The following FBXO41 variants were observed in gnomAD, a reference collection of about 807,000 sequenced individuals.
FBXO41 encodes the protein F-box only protein 41.
Under a neutral mutation model 81.6 loss-of-function variants are expected in FBXO41, and 33 were observed. The observed-to-expected ratio is 0.40, with a 90% CI of 0.31 to 0.54. The LOEUF (loss-of-function observed/expected upper bound fraction) is 0.54. Ranked by LOEUF, FBXO41 falls within the 20% of genes least tolerant of loss-of-function variation. FBXO41 has a pLI of 0.39. For missense variants in FBXO41, 1,107 were observed against 1,236.0 expected, an observed-to-expected ratio of 0.90 and a Z score of 1.56; for synonymous variants, 576 against 552.7, an observed-to-expected ratio of 1.04 and a Z score of -0.59.
intron 1 of FBXO41, among the ~76,000 whole-genome samples, chr2:73,277,118 G>T (rs562818083): frequency 3.3e-5 from 5 of 152,332 alleles, no homozygotes; most frequent in African/African-American, 1.2e-4. Flanking sequence ...GCAGGGGAAG[G>T]GGAAAGTCTG....
Position 73,266,826 on chromosome 2 carries a change from G to T in FBXO41, c.906-144C>A. The T allele has an allele frequency of 7.6e-7, 1 of 1,309,674 alleles. No homozygotes were observed. The highest frequency in any genetic ancestry group is 9.9e-7 in the Non-Finnish European group (1 of 1,010,574). 81.1% of individuals were successfully genotyped at this position (1,309,674 alleles called of 1,614,324 possible). A position where few individuals can be genotyped will look rare whatever the true frequency, so the allele number is the denominator to read the frequency against. ...GGTCACATGGGTTCCTGCAGAACAG[G>T]CCTAGCACACAGCCCCGCACGATGA... On this transcript the variant is annotated intron_variant, in intron 2 of 12. Transcript: ENST00000520530. The surrounding 1 kb of genome is among the most constrained non-coding windows in gnomAD (Gnocchi z 5.3).
At position 73,262,821 on chromosome 2, in the gene FBXO41, C is replaced by A. The variant is rs146889243; in HGVS notation, c.2171+392G>T. 4.8e-3 allele frequency among the ~76,000 whole-genome samples: 726 copies of A among 152,350 alleles called. 7 individuals are homozygous for A. Among genetic ancestry groups the A allele is most frequent in the African/African-American group, 0.015 (616 of 41,572 alleles). ...AGTGCAATGGCACGATCTCGGCTCA[C>A]TGCAACCTCTGCCTCCCAGGTTCAA... On this transcript the variant is annotated intron_variant, in intron 9 of 12. Coordinates refer to ENST00000520530, the MANE Select transcript of FBXO41 (RefSeq NM_001371389.2).
chr2:73,259,254 A>G lies in FBXO41; in HGVS notation c.2492T>C (p.Ile831Thr). Reference sequence around the variant, plus strand: ...GCTGGGCTCTTTGAAATAATCCGCAATCCCAATCTGGACCACAATGGACTT... The same window carrying G: ...GCTGGGCTCTTTGAAATAATCCGCAGTCCCAATCTGGACCACAATGGACTT... ...NLKSIVVQIG[I>T]ADYFKEPSSP... The change falls in exon 12 of 13, where the codon ATT becomes ACT. Residue 831 changes from isoleucine (I) to threonine (T), a missense_variant. By Grantham distance (89) the Ile-to-Thr change is moderately conservative. Around this residue, in one of 2 missense-constraint regions of FBXO41, gnomAD observed 336 missense variants for 446.7 expected, o/e 0.75. Coordinates refer to ENST00000520530, the MANE Select transcript of FBXO41 (RefSeq NM_001371389.2). This position sits in a 1 kb window ranked among gnomAD's most constrained non-coding sequence, Gnocchi z 4.2. 6.2e-7 allele frequency: 1 copy of G among 1,613,984 alleles called. No individual in the cohort carries two copies. Among genetic ancestry groups the G allele is most frequent in the Non-Finnish European group, 8.5e-7 (1 of 1,179,876 alleles).
rs1312513837 is a variant in FBXO41, at chr2:73,260,359, T to C, written c.2449+30A>G. The C allele has an allele frequency of 2.5e-6, 4 of 1,605,086 alleles. No homozygotes were observed. Among genetic ancestry groups the C allele is most frequent in the Non-Finnish European group, 2.6e-6 (3 of 1,174,580 alleles). On this transcript the variant is annotated intron_variant, in intron 11 of 12. Coordinates refer to ENST00000520530, the MANE Select transcript of FBXO41 (RefSeq NM_001371389.2). This position sits in a 1 kb window ranked among gnomAD's most constrained non-coding sequence, Gnocchi z 5.0. ...AGGGCCCCGTGGCAGGTGATAGTCGTACCCTGCCCCTCATTCCCCCAGTGC... is the reference window on the plus strand; with the variant it reads ...AGGGCCCCGTGGCAGGTGATAGTCGCACCCTGCCCCTCATTCCCCCAGTGC...
rs892181937 is a variant in FBXO41 at position 73,257,372 on chromosome 2, G to A, written c.*1610C>T. 6.6e-6 allele frequency: 1 copy of A among 152,282 alleles called. No homozygotes were observed. Among genetic ancestry groups the A allele is most frequent in the African/African-American group, 2.4e-5 (1 of 41,456 alleles). The allele number at this position is 152,282 out of a possible 1,614,324, so 9.4% of individuals were successfully genotyped here. A position where few individuals can be genotyped will look rare whatever the true frequency, so the allele number is the denominator to read the frequency against. On this transcript the variant is annotated 3_prime_UTR_variant, in exon 13 of 13. Transcript: ENST00000520530. The surrounding 1 kb of genome is among the most constrained non-coding windows in gnomAD (Gnocchi z 4.6). ...CTAGGGAGTGACGCCATGGGAGCTG[G>A]GTGTGCTGCTGCGCCCATGGGATCC...
At chr2:73,279,805 T>C (rs1019294996) in intron 1 of FBXO41, among the ~76,000 whole-genome samples, 7 of 152,198 alleles carry the variant, frequency 4.6e-5, no homozygotes, top group Non-Finnish European at 8.8e-5. Flanking sequence ...CCTGAACATA[T>C]TTAAATGCTT....
intron 8 of FBXO41, 85 bp from the exon 9 acceptor site, chr2:73,263,393 G>T: frequency 9.3e-7 from 1 of 1,079,904 alleles, no homozygotes; most frequent in Non-Finnish European, 1.3e-6. Flanking sequence ...GGCCGAGGTT[G>T]GGGATCGCCT....
chr2:73,284,457 G>A lies in FBXO41; in HGVS notation c.-436C>T, dbSNP rs962939591. 3.9e-5 allele frequency: 6 copies of A among 152,378 alleles called. No individual in the cohort carries two copies. Among genetic ancestry groups the A allele is most frequent in the Non-Finnish European group, 8.8e-5 (6 of 68,156 alleles). The allele number at this position is 152,378 out of a possible 1,614,324, so 9.4% of individuals were successfully genotyped here. On this transcript the variant is annotated 5_prime_UTR_variant, in exon 1 of 13. Transcript: ENST00000520530. The surrounding 1 kb of genome is among the most constrained non-coding windows in gnomAD (Gnocchi z 7.4). ...GCGGGCCGAGGAAAGCAAGGGAAGG[G>A]GGAGGGAGGCAGCACCGAGGTGGGG...
At chr2:73,277,303 C>T (rs1223650402) in intron 1 of FBXO41, among the ~76,000 whole-genome samples, 1 of 152,056 alleles carries the variant, frequency 6.6e-6, no homozygotes, top group Non-Finnish European at 1.5e-5. Context: ...ACCTCCTAAG[C>T]GTGAGCCTGA....
intron 1 of FBXO41, among the ~76,000 whole-genome samples, chr2:73,270,045 G>A (rs900043770): frequency 9.9e-5 from 15 of 152,170 alleles, no homozygotes; most frequent in Non-Finnish European, 1.9e-4. Context: ...GCCCATCAAT[G>A]GTAGAACGGT....
intron 1 of FBXO41, among the ~76,000 whole-genome samples, chr2:73,275,851 A>G (rs906711552): frequency 2.0e-5 from 3 of 151,918 alleles, no homozygotes; most frequent in Admixed American, 6.6e-5. Context: ...AAGTGGCGCA[A>G]TCTTGGCTCA....
In FBXO41 at chr2:73,259,496, A is replaced by T. The variant is rs1057173417; in HGVS notation, c.2450-200T>A. 6.6e-6 allele frequency among the ~76,000 whole-genome samples: 1 copy of T among 152,188 alleles called. No homozygotes were observed. The highest frequency in any genetic ancestry group is 1.5e-5 in the Non-Finnish European group (1 of 68,026). On this transcript the variant is annotated intron_variant, in intron 11 of 12. Coordinates refer to ENST00000520530, the MANE Select transcript of FBXO41 (RefSeq NM_001371389.2). This position sits in a 1 kb window ranked among gnomAD's most constrained non-coding sequence, Gnocchi z 4.2. ...GGGGCTGAGGCACAGGAGAGGCTGC[A>T]TTGGCCTCTGGGAGGGTGAGTGGGC...
chr2:73,283,374 T>C (rs929981457), intron 1 of FBXO41, among the ~76,000 whole-genome samples: 1 of 152,224 alleles, frequency 6.6e-6, no homozygotes, highest in Non-Finnish European at 1.5e-5. Context: ...GCCCTGGCAC[T>C]GCTTTTTCTG....
At chr2:73,263,385 C>A in intron 8 of FBXO41, 77 bp from the exon 9 acceptor site, 1 of 1,186,346 alleles carries the variant, frequency 8.4e-7, no homozygotes. Context: ...GAGGTCAAGG[C>A]CGAGGTTGGG....
chr2:73,263,188 A>G (rs1688081315), intron 9 of FBXO41, 25 bp downstream of exon 9: 1 of 1,545,724 alleles, frequency 6.5e-7, no homozygotes, highest in African/African-American at 1.4e-5. Flanking sequence ...CCCCCCTCCT[A>G]TCCCCCAAAC....
intron 1 of FBXO41, chr2:73,271,149 T>TGG: frequency 2.8e-6 from 1 of 352,710 alleles, no homozygotes. Flanking sequence ...CTGTAAGCTC[T>TGG]ACTTCTCCAT....
intron 1 of FBXO41, chr2:73,271,374 A>C (rs1688484480): frequency 1.2e-5 from 2 of 170,212 alleles, no homozygotes; most frequent in African/African-American, 4.8e-5. Context: ...AACATAGAGC[A>C]CCAAAGTTGA....
At chr2:73,262,701 G>A (rs1181090079) in intron 9 of FBXO41, among the ~76,000 whole-genome samples, 1 of 152,218 alleles carries the variant, frequency 6.6e-6, no homozygotes, top group Non-Finnish European at 1.5e-5. Flanking sequence ...GGCACTGCCA[G>A]TAAGCCAGGA....
At position 73,255,327 on chromosome 2, in the gene FBXO41, A is replaced by G. The variant is rs1236494531; in HGVS notation, c.*3655T>C. ...GCCCTGGTATTCTGATCTTTACCCA[A>G]TCCTAAACCTTATCCTCAGGCAAGG... is the stretch of plus-strand genomic sequence containing the variant. On this transcript the variant is annotated 3_prime_UTR_variant, in exon 13 of 13. Coordinates refer to ENST00000520530, the MANE Select transcript of FBXO41 (RefSeq NM_001371389.2). 6.6e-6 allele frequency: 1 copy of G among 152,618 alleles called. No homozygotes were observed. The highest frequency in any genetic ancestry group is 1.5e-5 in the Non-Finnish European group (1 of 68,136). The allele number at this position is 152,618 out of a possible 1,614,324, so 9.5% of individuals were successfully genotyped here. A position where few individuals can be genotyped will look rare whatever the true frequency, so the allele number is the denominator to read the frequency against.
Sources: allele counts gnomAD v4.1 joint callset (sites outside exome capture counted in the v4.1 genomes callset), GRCh38; gene constraint gnomAD v4.1.1; regional missense constraint gnomAD v4.1.1; non-coding constraint Gnocchi (gnomAD v3.1); transcripts MANE v1.5; gene names NCBI Gene and HGNC (gene_info 2026-07-23, HGNC 2026-07-21).